Variants in DNAH6 observed in about 807,000 individuals in gnomAD.
DNAH6 encodes dynein axonemal heavy chain 6, also known as axonemal beta dynein heavy chain 6.
A neutral mutation model predicts 491.4 loss-of-function variants in DNAH6; 340 were observed. The ratio of observed to expected loss-of-function variants is 0.69; its 90% CI spans 0.63 to 0.76. The LOEUF is 0.76. Among genes scored for constraint, DNAH6 ranks in the 30% least tolerant of loss-of-function variants. The pLI is 0.00. For synonymous variants in DNAH6, 1,603 were observed against 1,686.1 expected, an observed-to-expected ratio of 0.95 and a Z score of 1.21; for missense variants, 4,443 against 4,972.2, an observed-to-expected ratio of 0.89 and a Z score of 3.20.
intron 37 of DNAH6, among the ~76,000 whole-genome samples, chr2:84,659,931 A>G (rs1163609184): frequency 1.3e-5 from 2 of 152,164 alleles, no homozygotes; most frequent in Non-Finnish European, 2.9e-5. Context: ...GCACTGAGCT[A>G]TGATCTTACC....
At chr2:84,683,495 T>C (rs1211722651) in intron 42 of DNAH6, among the ~76,000 whole-genome samples, 8 of 144,506 alleles carry the variant, frequency 5.5e-5, no homozygotes, top group African/African-American at 1.6e-4. Flanking sequence ...TGATCTCGGC[T>C]CACTGCAACC....
At chr2:84,553,328 C>CCCTG (rs10627001) in intron 10 of DNAH6, among the ~76,000 whole-genome samples, 1 of 149,240 alleles carries the variant, frequency 6.7e-6, no homozygotes, top group African/African-American at 2.5e-5. Context: ...GAAGAGATCA[C>CCCTG]TTGTGAATAC....
intron 59 of DNAH6, among the ~76,000 whole-genome samples, chr2:84,720,248 C>T (rs1337899565): frequency 1.4e-5 from 2 of 148,040 alleles, no homozygotes; most frequent in African/African-American, 5.0e-5. Context: ...TTAAGCCCTT[C>T]CCACTTCCAA....
chr2:84,546,671 TTTTATC>T (rs1678827804), intron 5 of DNAH6, among the ~76,000 whole-genome samples: 1 of 152,308 alleles, frequency 6.6e-6, no homozygotes, highest in Admixed American at 6.5e-5. Context: ...TGCTTCCACT[TTTTATC>T]TATTATGAAT....
intron 40 of DNAH6, among the ~76,000 whole-genome samples, chr2:84,674,649 G>C (rs542042171): frequency 9.2e-5 from 14 of 152,126 alleles, no homozygotes; most frequent in East Asian, 1.9e-4. Flanking sequence ...TGCATATAAG[G>C]CTTTTTACTT....
the DNAH6 span, among the ~76,000 whole-genome samples, chr2:84,482,837 G>A: frequency 6.6e-6 from 1 of 152,188 alleles, no homozygotes; most frequent in Non-Finnish European, 1.5e-5. Flanking sequence ...ATGCCTCCTT[G>A]GCTTACTTTC....
chr2:84,637,265 C>T lies in DNAH6; in HGVS notation c.4709C>T (p.Ala1570Val). ...ATAAAGTTGGTGATGACTTGTGCAG[C>T]CTTCATCACAATGAATCCTGGCTAT... ...REIKLVMTCAAFITMNPGYAG... is the reference protein window; with the variant it reads ...REIKLVMTCAVFITMNPGYAG... The change falls in exon 31 of 77, where the codon GCC becomes GTC. Residue 1570 changes from alanine (A) to valine (V), a missense_variant. Coordinates refer to ENST00000389394, the MANE Select transcript of DNAH6 (RefSeq NM_001370.2). The T allele has an allele frequency of 6.4e-7, 1 of 1,551,182 alleles. No homozygotes were observed. Among genetic ancestry groups the T allele is most frequent in the South Asian group, 1.2e-5 (1 of 83,968 alleles).
At chr2:84,663,256 G>A (rs1042494288) in intron 37 of DNAH6, among the ~76,000 whole-genome samples, 2 of 152,194 alleles carry the variant, frequency 1.3e-5, no homozygotes, top group African/African-American at 4.8e-5. Flanking sequence ...GACGAGTTGA[G>A]AGAAGAAGGC....
At chr2:84,775,509 T>C (rs1391159543) in intron 64 of DNAH6, among the ~76,000 whole-genome samples, 14 of 152,194 alleles carry the variant, frequency 9.2e-5, no homozygotes, top group Admixed American at 8.5e-4. Flanking sequence ...GGTATCAGGA[T>C]GATGCTGACT....
At chr2:84,765,424 C>A (rs1674986417) in intron 64 of DNAH6, among the ~76,000 whole-genome samples, 1 of 151,968 alleles carries the variant, frequency 6.6e-6, no homozygotes, top group East Asian at 1.9e-4. Context: ...TTCAAGATGA[C>A]AATTAGAAAA....
chr2:84,574,500 A>G (rs568459368), intron 12 of DNAH6, among the ~76,000 whole-genome samples: 29 of 152,330 alleles, frequency 1.9e-4, no homozygotes, highest in Admixed American at 2.6e-4. Flanking sequence ...ATCAAGTCCA[A>G]GATCAGTCAT....
chr2:84,534,104 A>G (rs1420224089), intron 4 of DNAH6, among the ~76,000 whole-genome samples: 1 of 152,052 alleles, frequency 6.6e-6, no homozygotes, highest in Non-Finnish European at 1.5e-5. Flanking sequence ...CACAAAATTT[A>G]CATAACACTG....
chr2:84,650,471 A>G (rs1690346755), intron 33 of DNAH6, among the ~76,000 whole-genome samples: 1 of 150,092 alleles, frequency 6.7e-6, no homozygotes, highest in Non-Finnish European at 1.5e-5. Flanking sequence ...GTATTTTTTC[A>G]GTTCTAAAAT....
At position 84,587,861 on chromosome 2, in the gene DNAH6, C is replaced by T. The variant is rs760320208; in HGVS notation, c.2482-965C>T. Reference sequence around the variant, plus strand: ...CATGCTACCTTTTGGGCCATAGCAGCGTCCAGTGCAGTTTGGCTGGGCTGC... The same window carrying T: ...CATGCTACCTTTTGGGCCATAGCAGTGTCCAGTGCAGTTTGGCTGGGCTGC... On this transcript the variant is annotated intron_variant, in intron 15 of 76. Transcript: ENST00000389394. Among the ~76,000 whole-genome samples the T allele has an allele frequency of 3.3e-5, 5 of 152,326 alleles. No homozygotes were observed. The East Asian group carries it at 7.7e-4, about 24-fold the overall frequency.
chr2:84,566,393 A>T (rs1221797297), intron 11 of DNAH6, among the ~76,000 whole-genome samples: 3 of 152,106 alleles, frequency 2.0e-5, no homozygotes, highest in Non-Finnish European at 2.9e-5. Context: ...TTAATAAGAA[A>T]TGCTAAAAAC....
At chr2:84,685,198 C>G (rs1379539017) in intron 42 of DNAH6, 128 bp from the exon 43 acceptor site, 1 of 574,610 alleles carries the variant, frequency 1.7e-6, no homozygotes, top group African/African-American at 1.9e-5. Context: ...TGTATATCCA[C>G]TGGGGAAGCA....
chr2:84,679,786 C>A (rs747691185), intron 41 of DNAH6, among the ~76,000 whole-genome samples: 8 of 152,150 alleles, frequency 5.3e-5, no homozygotes, highest in Non-Finnish European at 8.8e-5. Flanking sequence ...CTTCCATACG[C>A]CTGATATTGG....
At chr2:84,483,715 A>G in the DNAH6 span, among the ~76,000 whole-genome samples, 2 of 152,216 alleles carry the variant, frequency 1.3e-5, no homozygotes, top group East Asian at 3.9e-4. Context: ...AGGAAGTACC[A>G]TAAACATTCA....
intron 16 of DNAH6, among the ~76,000 whole-genome samples, chr2:84,591,956 A>C (rs1684161670): frequency 6.6e-6 from 1 of 152,224 alleles, no homozygotes. Flanking sequence ...GAATGGGTTA[A>C]AGACTCAAAA....
Sources: gnomAD v4.1 joint callset for allele counts (sites outside exome capture counted in the v4.1 genomes callset) on GRCh38, gnomAD v4.1.1 for gene constraint, MANE v1.5 for transcripts, NCBI Gene and HGNC (gene_info 2026-07-23, HGNC 2026-07-21) for gene names.